The following GNG7 variants were observed in gnomAD, a reference collection of about 807,000 sequenced individuals.
The protein encoded by GNG7 is guanine nucleotide-binding protein G(I)/G(S)/G(O) subunit gamma-7.
A neutral mutation model predicts 4.0 loss-of-function variants in GNG7; 1 was observed. That is an observed-to-expected ratio of 0.25 (90% CI 0.09 to 1.18). The LOEUF is 1.18. Among genes scored for constraint, GNG7 ranks in the 50% most tolerant of loss-of-function variants. The probability of loss-of-function intolerance (pLI) is 0.50; values close to 1 mark genes in which losing one functional copy is unlikely to be tolerated. For synonymous variants in GNG7, 34 were observed against 36.9 expected, an observed-to-expected ratio of 0.92 and a Z score of 0.29; for missense variants, 86 against 91.9, an observed-to-expected ratio of 0.94 and a Z score of 0.26.
At chr19:2,543,413 T>G (rs1375270423) in intron 3 of GNG7, among the ~76,000 whole-genome samples, 2 of 152,016 alleles carry the variant, frequency 1.3e-5, no homozygotes, top group Non-Finnish European at 1.5e-5. Context: ...CTTTTAGAGC[T>G]GGGGCCTCAC....
Position 2,550,110 on chromosome 19 carries a change from G to A in GNG7, c.-38+5039C>T, listed in dbSNP as rs563301113. On this transcript the variant is annotated intron_variant, in intron 3 of 4. Transcript: ENST00000382159. Reference sequence around the variant, plus strand: ...GTGCCCTGATTCTCAGAATCCCTGTGGGATGGGGAAAGAGTGTTTGGGTTG... The same window carrying A: ...GTGCCCTGATTCTCAGAATCCCTGTAGGATGGGGAAAGAGTGTTTGGGTTG... Among the ~76,000 whole-genome samples, 7 of 152,320 alleles carry A rather than the reference G, an allele frequency of 4.6e-5. No homozygotes were observed. The East Asian group carries it at 7.7e-4, about 17-fold the overall frequency.
intron 1 of GNG7, among the ~76,000 whole-genome samples, chr19:2,661,265 GAAAGAAAA>G (rs1407875516): frequency 2.1e-4 from 12 of 56,690 alleles, no homozygotes; most frequent in Admixed American, 1.4e-3. Context: ...AAGAAAGAAA[GAAAGAAAA>G]GAAAGAAAGA....
chr19:2,560,092 G>A (rs1279590645), intron 2 of GNG7, among the ~76,000 whole-genome samples: 1 of 151,944 alleles, frequency 6.6e-6, no homozygotes, highest in African/African-American at 2.4e-5. Flanking sequence ...CTGGGCTCAG[G>A]GAACGCACGT....
At position 2,633,487 on chromosome 19, in the gene GNG7, G is replaced by GCGCGCGCACACACA. The variant is rs1250581952; in HGVS notation, c.-78+12736_-78+12737insTGTGTGTGCGCGCG. ...TAGCAACAGGCGCGCGCGCGCGCGCGCACACACACACACACACACACACAC... is the reference window on the plus strand; with the variant it reads ...TAGCAACAGGCGCGCGCGCGCGCGCGCGCGCGCACACACACACACACACACACACACACACACAC... On this transcript the variant is annotated intron_variant, in intron 2 of 4. Transcript: ENST00000382159. This position sits in a 1 kb window ranked among gnomAD's most constrained non-coding sequence, Gnocchi z 5.9. Among the ~76,000 whole-genome samples, 3 of 103,808 alleles carry GCGCGCGCACACACA rather than the reference G, an allele frequency of 2.9e-5. No homozygotes were observed. The highest frequency in any genetic ancestry group is 3.4e-4 in the South Asian group (1 of 2,940). The allele number at this position is 103,808 out of a possible 152,430, so 68.1% of individuals were successfully genotyped here.
At chr19:2,573,266 G>A (rs997271237) in intron 2 of GNG7, among the ~76,000 whole-genome samples, 3 of 151,248 alleles carry the variant, frequency 2.0e-5, no homozygotes, top group Non-Finnish European at 4.4e-5. Context: ...CAGGTGATCC[G>A]CCCGCCTCAG....
intron 3 of GNG7, among the ~76,000 whole-genome samples, chr19:2,539,807 AAT>A (rs1360436464): frequency 6.2e-5 from 9 of 145,964 alleles, no homozygotes; most frequent in Middle Eastern, 3.8e-3. Flanking sequence ...CTGCATTCTA[AAT>A]ACACACCATC....
chr19:2,566,359 C>T (rs79271669), intron 2 of GNG7, among the ~76,000 whole-genome samples: 6,812 of 152,096 alleles, frequency 0.045, 247 homozygotes, highest in Admixed American at 0.093. Flanking sequence ...GGATTCTCCC[C>T]ACTGGCTTCG....
intron 1 of GNG7, among the ~76,000 whole-genome samples, chr19:2,647,623 T>G (rs1350290633): frequency 6.6e-6 from 1 of 152,006 alleles, no homozygotes; most frequent in Non-Finnish European, 1.5e-5. Context: ...GAGGCTGAGA[T>G]GGGAGGATCG....
At chr19:2,622,040 C>T (rs965353290) in intron 2 of GNG7, among the ~76,000 whole-genome samples, 2 of 151,752 alleles carry the variant, frequency 1.3e-5, no homozygotes, top group African/African-American at 4.8e-5. Context: ...GGAGTGAGTT[C>T]GATTCCCTCT....
At chr19:2,548,932 G>A (rs893162014) in intron 3 of GNG7, among the ~76,000 whole-genome samples, 1 of 152,216 alleles carries the variant, frequency 6.6e-6, no homozygotes, top group Non-Finnish European at 1.5e-5. Flanking sequence ...CGTGAACTGT[G>A]CATGTTGTTT....
At chr19:2,650,215 G>C (rs1364224398) in intron 1 of GNG7, among the ~76,000 whole-genome samples, 1 of 132,650 alleles carries the variant, frequency 7.5e-6, no homozygotes, top group Non-Finnish European at 1.5e-5. Context: ...ACAGAGTCTC[G>C]TTCTATCCCC....
At position 2,634,772 on chromosome 19, in the gene GNG7, C is replaced by T. The variant is rs1215938639; in HGVS notation, c.-78+11452G>A. On this transcript the variant is annotated intron_variant, in intron 2 of 4. Coordinates refer to ENST00000382159, the MANE Select transcript of GNG7 (RefSeq NM_052847.3). The surrounding 1 kb of genome is among the most constrained non-coding windows in gnomAD (Gnocchi z 5.3). The stretch of plus-strand genomic sequence containing the variant: ...CCAGGACATGCTGAAATCTGGTGAC[C>T]GACCAGGGGGAAATAAACCCGCTCT... 6.6e-6 allele frequency among the ~76,000 whole-genome samples: 1 copy of T among 151,986 alleles called. No homozygotes were observed. The highest frequency in any genetic ancestry group is 1.5e-5 in the Non-Finnish European group (1 of 67,996).
At chr19:2,538,137 G>A (rs1568235482) in intron 3 of GNG7, 3 of 456,456 alleles carry the variant, frequency 6.6e-6, no homozygotes, top group Non-Finnish European at 4.4e-6. Flanking sequence ...AAGCTGCAGT[G>A]GCTACGGAGG....
At chr19:2,538,351 G>A (rs963426752) in intron 3 of GNG7, 2 of 448,334 alleles carry the variant, frequency 4.5e-6, no homozygotes, top group Non-Finnish European at 9.0e-6. Flanking sequence ...CAGCAGTGGT[G>A]GTGACTCATG....
intron 3 of GNG7, among the ~76,000 whole-genome samples, chr19:2,539,765 T>A (rs1345811791): frequency 6.6e-6 from 1 of 152,120 alleles, no homozygotes; most frequent in Non-Finnish European, 1.5e-5. Context: ...GAGAACAACC[T>A]AGAGGCCTTG....
rs982344403 is a variant in GNG7, at chr19:2,690,815, A to G, written c.-135+11831T>C. On this transcript the variant is annotated intron_variant, in intron 1 of 4. Transcript: ENST00000382159. ...CACCATGTTGGCCAGGCTGGTCTCG[A>G]ACTTCTGACCTCAAGTTATCCACCC... is the stretch of plus-strand genomic sequence containing the variant. 7.9e-5 allele frequency among the ~76,000 whole-genome samples: 12 copies of G among 152,258 alleles called. No individual in the cohort carries two copies. The East Asian group carries it at 2.3e-3, about 29-fold the overall frequency.
intron 2 of GNG7, among the ~76,000 whole-genome samples, chr19:2,583,565 T>C (rs1980562502): frequency 6.6e-6 from 1 of 152,214 alleles, no homozygotes; most frequent in Non-Finnish European, 1.5e-5. Context: ...TCCCACCTTC[T>C]AGAGTGACTT....
At position 2,618,496 on chromosome 19, in the gene GNG7, G is replaced by A. The variant is rs555303824; in HGVS notation, c.-78+27728C>T. Among the ~76,000 whole-genome samples the A allele has an allele frequency of 3.3e-5, 5 of 151,758 alleles. No individual in the cohort carries two copies. The highest frequency in any genetic ancestry group is 7.4e-5 in the Non-Finnish European group (5 of 67,956). On this transcript the variant is annotated intron_variant, in intron 2 of 4. Transcript: ENST00000382159. The surrounding 1 kb of genome is among the most constrained non-coding windows in gnomAD (Gnocchi z 5.1). ...CCCAAGTAGCTGGGATTACAGGCAC[G>A]TGCCACCACACCCACCTAATTTTTG...
intron 3 of GNG7, among the ~76,000 whole-genome samples, chr19:2,549,580 C>T (rs964960302): frequency 1.5e-4 from 23 of 152,090 alleles, no homozygotes; most frequent in African/African-American, 5.6e-4. Context: ...TGAGCCACCG[C>T]ACTGGCCGGG....
Sources: gnomAD v4.1 joint callset for allele counts (sites outside exome capture counted in the v4.1 genomes callset) on GRCh38, gnomAD v4.1.1 for gene constraint, Gnocchi (gnomAD v3.1) non-coding constraint, MANE v1.5 for transcripts, NCBI Gene and HGNC (gene_info 2026-07-23, HGNC 2026-07-21) for gene names.